Variants in B4GALT6 observed in about 807,000 individuals in gnomAD.
B4GALT6 encodes the protein beta-1,4-galactosyltransferase 6.
A neutral mutation model predicts 46.3 loss-of-function variants in B4GALT6; 14 were observed. The ratio of observed to expected loss-of-function variants is 0.30; its 90% CI spans 0.20 to 0.47. The LOEUF (loss-of-function observed/expected upper bound fraction) is 0.47, where lower values mean the gene tolerates loss of function less well. B4GALT6 is among the 20% of genes least tolerant of loss of function. The pLI is 0.99. For missense variants in B4GALT6, 386 were observed against 480.1 expected (o/e 0.80, Z 1.83); for synonymous variants, 168 against 162.0 (o/e 1.04, Z -0.28).
chr18:31,643,243 C>T (rs2073952495), intron 4 of B4GALT6, among the ~76,000 whole-genome samples: 1 of 152,206 alleles, frequency 6.6e-6, no homozygotes, highest in South Asian at 2.1e-4. Flanking sequence ...CTAGAGACTA[C>T]ATTCTGAGAA....
intron 6 of B4GALT6, among the ~76,000 whole-genome samples, chr18:31,629,766 C>T (rs766535498): frequency 1.4e-5 from 2 of 147,744 alleles, no homozygotes; most frequent in Admixed American, 1.4e-4. Context: ...AGGAGAATGG[C>T]GTGAACCCGG....
chr18:31,709,504 C>T, the B4GALT6 span, among the ~76,000 whole-genome samples: 1 of 140,920 alleles, frequency 7.1e-6, no homozygotes, highest in Non-Finnish European at 1.5e-5. Context: ...CATATGGTAT[C>T]CAATGTACCT....
At chr18:31,625,789 A>G in intron 8 of B4GALT6, 28 bp from the exon 9 acceptor site, 2 of 1,551,756 alleles carry the variant, frequency 1.3e-6, no homozygotes, top group South Asian at 1.2e-5. Flanking sequence ...AAAACAAAAA[A>G]GCAACAAAAC....
intron 5 of B4GALT6, among the ~76,000 whole-genome samples, chr18:31,635,057 C>G (rs1338825477): frequency 6.6e-6 from 1 of 151,966 alleles, no homozygotes; most frequent in African/African-American, 2.4e-5. Flanking sequence ...CCTGGCCAAC[C>G]CTGTCTCTAC....
the B4GALT6 span, among the ~76,000 whole-genome samples, chr18:31,696,176 A>G: frequency 6.6e-6 from 1 of 152,222 alleles, no homozygotes; most frequent in Non-Finnish European, 1.5e-5. Context: ...TAAAAAGGTA[A>G]CAGATGTTGC....
chr18:31,704,337 T>C, the B4GALT6 span, among the ~76,000 whole-genome samples: 1 of 151,752 alleles, frequency 6.6e-6, no homozygotes, highest in Non-Finnish European at 1.5e-5. Context: ...GCCTCCTAAG[T>C]AGCTGGGATT....
the B4GALT6 span, among the ~76,000 whole-genome samples, chr18:31,694,897 A>T: frequency 6.6e-6 from 1 of 152,204 alleles, no homozygotes; most frequent in African/African-American, 2.4e-5. Flanking sequence ...TAAACTGTTA[A>T]TGGTAGAATA....
chr18:31,697,664 A>G, the B4GALT6 span, among the ~76,000 whole-genome samples: 1 of 152,218 alleles, frequency 6.6e-6, no homozygotes, highest in Non-Finnish European at 1.5e-5. Flanking sequence ...TGTGCAGAAG[A>G]AAGAAAAAGC....
the B4GALT6 span, among the ~76,000 whole-genome samples, chr18:31,691,330 T>C: frequency 1.6e-4 from 6 of 38,440 alleles, no homozygotes; most frequent in African/African-American, 2.8e-4. Context: ...TATATATATA[T>C]ATATATATAT....
intron 5 of B4GALT6, 48 bp from the exon 6 acceptor site, chr18:31,631,194 C>G: frequency 9.1e-7 from 1 of 1,101,400 alleles, no homozygotes; most frequent in South Asian, 1.5e-5. Flanking sequence ...ACTCACACTT[C>G]ATCATCTTTT....
At chr18:31,690,150 G>A (rs1347751087), upstream of B4GALT6, among the ~76,000 whole-genome samples, 2 of 152,112 alleles carry the variant, frequency 1.3e-5, no homozygotes, top group African/African-American at 4.8e-5. Flanking sequence ...GTTTTATTGA[G>A]ACAGACTCTC....
At chr18:31,683,149 C>G (rs1011542321) in intron 1 of B4GALT6, among the ~76,000 whole-genome samples, 1 of 152,164 alleles carries the variant, frequency 6.6e-6, no homozygotes, top group Non-Finnish European at 1.5e-5. Context: ...AAGAAAAAGT[C>G]TCATAGTAAT....
chr18:31,635,817 C>CA (rs201826865), intron 5 of B4GALT6, among the ~76,000 whole-genome samples: 18 of 149,404 alleles, frequency 1.2e-4, no homozygotes, highest in South Asian at 2.1e-4. Flanking sequence ...GACTCTGTCT[C>CA]AAAAAAAAAC....
intron 6 of B4GALT6, among the ~76,000 whole-genome samples, chr18:31,629,734 C>T (rs1042387072): frequency 6.7e-5 from 10 of 149,912 alleles, no homozygotes; most frequent in African/African-American, 2.0e-4. Context: ...CCTGTAGTCC[C>T]AGCTACTCGG....
Position 31,625,514 on chromosome 18 carries a change from A to C in B4GALT6, c.*100T>G. 7.5e-7 allele frequency: 1 copy of C among 1,335,824 alleles called. No individual in the cohort carries two copies. Among genetic ancestry groups the C allele is most frequent in the South Asian group, 1.2e-5 (1 of 80,496 alleles). The allele number at this position is 1,335,824 out of a possible 1,614,324, so 82.7% of individuals were successfully genotyped here. The stretch of plus-strand genomic sequence containing the variant: ...TGGACTGCTGGCTCTTCTCAGAGAA[A>C]AGGGCACTGTGACACAGCCAATCAC... On this transcript the variant is annotated 3_prime_UTR_variant, in exon 9 of 9. Coordinates refer to ENST00000306851, the MANE Select transcript of B4GALT6 (RefSeq NM_004775.5).
chr18:31,702,243 A>G, the B4GALT6 span, among the ~76,000 whole-genome samples: 2 of 152,264 alleles, frequency 1.3e-5, no homozygotes, highest in African/African-American at 4.8e-5. Context: ...TGTTTCAAAT[A>G]CAAATACTCT....
intron 1 of B4GALT6, among the ~76,000 whole-genome samples, chr18:31,676,319 T>C (rs1176980056): frequency 6.6e-6 from 1 of 152,178 alleles, no homozygotes; most frequent in African/African-American, 2.4e-5. Context: ...GCTACTTAAA[T>C]ATACCACTGT....
the B4GALT6 span, among the ~76,000 whole-genome samples, chr18:31,716,314 G>C: frequency 1.3e-5 from 2 of 152,184 alleles, no homozygotes; most frequent in African/African-American, 2.4e-5. Flanking sequence ...CTGAGAGAAA[G>C]TTCAAACTGG....
chr18:31,692,865 T>C, the B4GALT6 span, among the ~76,000 whole-genome samples: 1 of 152,194 alleles, frequency 6.6e-6, no homozygotes, highest in Non-Finnish European at 1.5e-5. Flanking sequence ...TTACCCAGTT[T>C]AGCGTGGGGA....
Sources: allele counts gnomAD v4.1 joint callset (sites outside exome capture counted in the v4.1 genomes callset), GRCh38; gene constraint gnomAD v4.1.1; transcripts MANE v1.5; gene names NCBI Gene and HGNC (gene_info 2026-07-23, HGNC 2026-07-21).